The following WDR33 variants were observed in gnomAD, a reference collection of about 807,000 sequenced individuals.
WDR33 encodes WD repeat domain 33, also known as pre-mRNA 3' end processing protein WDR33.
A neutral mutation model predicts 164.9 loss-of-function variants in WDR33; 47 were observed. The observed-to-expected ratio is 0.29, with a 90% CI of 0.23 to 0.36. WDR33 has a LOEUF of 0.36. Among genes scored for constraint, WDR33 ranks in the 10% least tolerant of loss-of-function variants. The pLI is 1.00. For missense variants in WDR33, 1,137 were observed against 1,754.1 expected (o/e 0.65, Z 6.28); for synonymous variants, 505 against 589.0 (o/e 0.86, Z 2.06).
At chr2:127,745,521 G>A (rs1687142648) in intron 7 of WDR33, among the ~76,000 whole-genome samples, 1 of 152,094 alleles carries the variant, frequency 6.6e-6, no homozygotes, top group African/African-American at 2.4e-5. Flanking sequence ...CAGCAACAAA[G>A]AAAATCAAAG....
rs370128011 is a variant in WDR33, at chr2:127,720,477, G to A, written c.1672-124C>T. The A allele has an allele frequency of 1.9e-5, 23 of 1,187,426 alleles. No individual in the cohort carries two copies. The highest frequency in any genetic ancestry group is 4.8e-5 in the South Asian group (2 of 41,780). The allele number at this position is 1,187,426 out of a possible 1,614,324, so 73.6% of individuals were successfully genotyped here. A position where few individuals can be genotyped will look rare whatever the true frequency, so the allele number is the denominator to read the frequency against. On this transcript the variant is annotated intron_variant, in intron 15 of 21. Coordinates refer to ENST00000322313, the MANE Select transcript of WDR33 (RefSeq NM_018383.5). The surrounding 1 kb of genome is among the most constrained non-coding windows in gnomAD (Gnocchi z 5.9). ...CATAAAAACTGCTCAAACTCTTCAC[G>A]CTCCAGTGGTAATTAGAGTCCATGC...
At chr2:127,734,199 C>A (rs1421363666) in intron 7 of WDR33, among the ~76,000 whole-genome samples, 1 of 152,204 alleles carries the variant, frequency 6.6e-6, no homozygotes, top group Non-Finnish European at 1.5e-5. Context: ...AGACCAGAGT[C>A]TTGTTCGGAA....
chr2:127,757,730 TA>T (rs1339520260), intron 7 of WDR33, among the ~76,000 whole-genome samples: 2 of 152,240 alleles, frequency 1.3e-5, no homozygotes, highest in African/African-American at 4.8e-5. Flanking sequence ...TTTATTATCA[TA>T]AACTACATGG....
rs554071420 is a variant in WDR33, at chr2:127,809,095, T to C, written c.-24+1917A>G. The stretch of plus-strand genomic sequence containing the variant: ...TTTATAAGTGAAAATTTTTCACTAA[T>C]ATCTTTGTCGTAATCATAAAGCTTT... On this transcript the variant is annotated intron_variant, in intron 1 of 21. Transcript: ENST00000322313. Among the ~76,000 whole-genome samples, 290 of 149,852 alleles carry C rather than the reference T, an allele frequency of 1.9e-3. 3 individuals are homozygous for C. The highest frequency in any genetic ancestry group is 0.014 in the Middle Eastern group (4 of 288).
At chr2:127,792,583 G>A (rs978153149) in intron 1 of WDR33, among the ~76,000 whole-genome samples, 27 of 151,934 alleles carry the variant, frequency 1.8e-4, no homozygotes, top group East Asian at 5.9e-4. Flanking sequence ...CAGGAGAATC[G>A]CTTGAACCTG....
chr2:127,757,596 C>T (rs1454737069), intron 7 of WDR33, among the ~76,000 whole-genome samples: 1 of 152,008 alleles, frequency 6.6e-6, no homozygotes, highest in Non-Finnish European at 1.5e-5. Flanking sequence ...ATACTAAAAG[C>T]ATGCTAAGTC....
At chr2:127,742,974 G>C (rs6430948) in intron 7 of WDR33, among the ~76,000 whole-genome samples, 66,726 of 151,702 alleles carry the variant, frequency 0.44, 15,820 homozygotes, top group African/African-American at 0.61. Flanking sequence ...TTATATTTGA[G>C]TTATCAGTAA....
At chr2:127,707,246 GAAAA>G (rs1003306994) in intron 21 of WDR33, among the ~76,000 whole-genome samples, 5 of 131,604 alleles carry the variant, frequency 3.8e-5, no homozygotes, top group African/African-American at 1.1e-4. Context: ...AAAAAAAAAA[GAAAA>G]AAAAGAAAGG....
chr2:127,805,506 G>C (rs1410019039), intron 1 of WDR33, among the ~76,000 whole-genome samples: 1 of 152,072 alleles, frequency 6.6e-6, no homozygotes, highest in Non-Finnish European at 1.5e-5. Context: ...CAAAATACAT[G>C]ACATTTTAAG....
chr2:127,791,343 T>C (rs868653206), intron 1 of WDR33, among the ~76,000 whole-genome samples: 9 of 152,104 alleles, frequency 5.9e-5, no homozygotes, highest in Middle Eastern at 3.4e-3. Context: ...CATTTCATCA[T>C]GTGCTATGTA....
rs1160950242 is a variant in WDR33 at position 127,764,695 on chromosome 2, T to C, written c.626+133A>G. ...GTGAATGTGTGAAAACAAAGAAAAA[T>C]ATTGTGTTTATAGGGTGCAGAAAGT... is the stretch of plus-strand genomic sequence containing the variant. On this transcript the variant is annotated intron_variant, in intron 6 of 21. Transcript: ENST00000322313. The surrounding 1 kb of genome is among the most constrained non-coding windows in gnomAD (Gnocchi z 6.2). 1 of 1,608,348 alleles carries C rather than the reference T, an allele frequency of 6.2e-7. No individual in the cohort carries two copies. The highest frequency in any genetic ancestry group is 1.1e-5 in the South Asian group (1 of 90,468).
rs757548621 is a variant in WDR33, at chr2:127,701,614, C to T, written c.*4709G>A. 48 of 1,341,552 alleles carry T rather than the reference C, an allele frequency of 3.6e-5. No individual in the cohort carries two copies. In the South Asian group the frequency reaches 7.9e-4, roughly 22 times the overall value. The allele number at this position is 1,341,552 out of a possible 1,614,324, so 83.1% of individuals were successfully genotyped here. On this transcript the variant is annotated 3_prime_UTR_variant, in exon 22 of 22. Transcript: ENST00000322313. Reference sequence around the variant, plus strand: ...GCGGCCGCGGAGCCGCTGCTCGCCGCGGAGAAGGCGGAGGAGCCCGGGGAC... The same window carrying T: ...GCGGCCGCGGAGCCGCTGCTCGCCGTGGAGAAGGCGGAGGAGCCCGGGGAC...
chr2:127,792,493 T>G (rs1688873195), intron 1 of WDR33, among the ~76,000 whole-genome samples: 1 of 151,386 alleles, frequency 6.6e-6, no homozygotes, highest in Non-Finnish European at 1.5e-5. Flanking sequence ...AAACCCCGTC[T>G]CTACTAAAAA....
At chr2:127,762,899 G>T in intron 7 of WDR33, 163 bp downstream of exon 7, 1 of 1,421,972 alleles carries the variant, frequency 7.0e-7, no homozygotes, top group Non-Finnish European at 9.2e-7. Context: ...CAAAATGACT[G>T]TGAGTCAGAG....
intron 21 of WDR33, among the ~76,000 whole-genome samples, chr2:127,707,990 C>T (rs1382684804): frequency 2.6e-5 from 4 of 152,150 alleles, no homozygotes; most frequent in African/African-American, 9.7e-5. Context: ...CTGGAAGGAC[C>T]GTCCATACAG....
intron 7 of WDR33, among the ~76,000 whole-genome samples, chr2:127,761,711 C>T (rs1254117386): frequency 6.6e-6 from 1 of 152,174 alleles, no homozygotes; most frequent in African/African-American, 2.4e-5. Context: ...ATGTCACTTC[C>T]ACCCTTGGCA....
In WDR33 at chr2:127,705,846, T is replaced by C. The variant is rs1685996046; in HGVS notation, c.*477A>G. On this transcript the variant is annotated 3_prime_UTR_variant, in exon 22 of 22. Coordinates refer to ENST00000322313, the MANE Select transcript of WDR33 (RefSeq NM_018383.5). The surrounding 1 kb of genome is among the most constrained non-coding windows in gnomAD (Gnocchi z 4.5). ...TGCTCATGAACATCAGCAACAACCG[T>C]GCATTCCTTGGCAGATGGGATGCGA... 1 of 154,698 alleles carries C rather than the reference T, an allele frequency of 6.5e-6. No homozygotes were observed. Among genetic ancestry groups the C allele is most frequent in the African/African-American group, 2.4e-5 (1 of 41,578 alleles). 9.6% of individuals were successfully genotyped at this position (154,698 alleles called of 1,614,324 possible).
intron 1 of WDR33, among the ~76,000 whole-genome samples, chr2:127,795,164 G>A (rs142264681): frequency 5.2e-4 from 76 of 147,142 alleles, no homozygotes; most frequent in African/African-American, 1.2e-3. Flanking sequence ...GCAATGGTGC[G>A]ATCTCGGCTT....
intron 7 of WDR33, among the ~76,000 whole-genome samples, chr2:127,750,677 AAT>A (rs1161071581): frequency 0.028 from 996 of 35,724 alleles, 34 homozygotes; most frequent in East Asian, 0.037. Flanking sequence ...AAAAAAAAAA[AAT>A]ATATATATAT....
Sources: allele counts gnomAD v4.1 joint callset (sites outside exome capture counted in the v4.1 genomes callset), GRCh38; gene constraint gnomAD v4.1.1; non-coding constraint Gnocchi (gnomAD v3.1); transcripts MANE v1.5; gene names NCBI Gene and HGNC (gene_info 2026-07-23, HGNC 2026-07-21).